Variants in CLYBL observed in about 807,000 individuals in gnomAD.
CLYBL encodes citramalyl-CoA lyase.
In CLYBL, 31 loss-of-function variants were observed where a neutral mutation model predicts 38.9. The observed-to-expected ratio is 0.80, with a 90% CI of 0.60 to 1.08. The LOEUF (loss-of-function observed/expected upper bound fraction) is 1.08, where lower values mean the gene tolerates loss of function less well. Among genes scored for constraint, CLYBL ranks in the 50% least tolerant of loss-of-function variants. The probability of loss-of-function intolerance (pLI) is 0.00; values close to 1 mark genes in which losing one functional copy is unlikely to be tolerated. For synonymous variants in CLYBL, 171 were observed against 158.6 expected, an observed-to-expected ratio of 1.08 and a Z score of -0.59; for missense variants, 434 against 411.6, an observed-to-expected ratio of 1.05 and a Z score of -0.47.
At chr13:99,837,763 C>A (rs1014676953) in intron 2 of CLYBL, among the ~76,000 whole-genome samples, 3 of 152,140 alleles carry the variant, frequency 2.0e-5, no homozygotes, top group East Asian at 3.9e-4. Context: ...AGCTTTTCAA[C>A]CCTGGCCGTC....
At position 99,833,031 on chromosome 13, in the gene CLYBL, T is replaced by TATATATATATATA. The variant is rs57543837; in HGVS notation, c.250-25830_250-25829insATATATATATATA. The stretch of plus-strand genomic sequence containing the variant: ...ACATATATATATATATATATATATA[T>TATATATATATATA]TTTTTTTTTTTTTTTTTTTTTTTTT... On this transcript the variant is annotated intron_variant, in intron 2 of 8. Transcript: ENST00000339105. Among the ~76,000 whole-genome samples the TATATATATATATA allele has an allele frequency of 4.5e-3, 95 of 20,986 alleles. 4 individuals are homozygous for TATATATATATATA. The highest frequency in any genetic ancestry group is 8.2e-3 in the East Asian group (3 of 364). The allele number at this position is 20,986 out of a possible 152,430, so 13.8% of individuals were successfully genotyped here.
At chr13:99,868,228 A>T (rs1443519015) in intron 6 of CLYBL, among the ~76,000 whole-genome samples, 1 of 152,214 alleles carries the variant, frequency 6.6e-6, no homozygotes, top group Non-Finnish European at 1.5e-5. Flanking sequence ...TTGTTGCCCC[A>T]ATTATATTTC....
chr13:99,812,840 A>G (rs1292101439), intron 2 of CLYBL, among the ~76,000 whole-genome samples: 2 of 152,184 alleles, frequency 1.3e-5, no homozygotes, highest in Non-Finnish European at 2.9e-5. Flanking sequence ...AGCCCTGGAG[A>G]CAAGTGGGGC....
chr13:99,779,751 A>C (rs2049600368), intron 2 of CLYBL, among the ~76,000 whole-genome samples: 1 of 152,170 alleles, frequency 6.6e-6, no homozygotes, highest in South Asian at 2.1e-4. Context: ...CAAGGACTTA[A>C]ATTTCCAAGT....
chr13:99,785,406 GTC>G (rs1475789905), intron 2 of CLYBL, among the ~76,000 whole-genome samples: 1 of 150,908 alleles, frequency 6.6e-6, no homozygotes, highest in Non-Finnish European at 1.5e-5. Flanking sequence ...AGAGATGGGG[GTC>G]TCTCTATGTT....
At chr13:99,763,064 G>C (rs1270651745) in intron 1 of CLYBL, among the ~76,000 whole-genome samples, 1 of 152,202 alleles carries the variant, frequency 6.6e-6, no homozygotes, top group Non-Finnish European at 1.5e-5. Context: ...TCTAACAGCT[G>C]TTTGGTGGAA....
chr13:99,729,802 C>T (rs2048547433), intron 1 of CLYBL, among the ~76,000 whole-genome samples: 1 of 152,236 alleles, frequency 6.6e-6, no homozygotes, highest in Non-Finnish European at 1.5e-5. Context: ...TCTCCTGACT[C>T]CCTGGTGCCA....
At chr13:99,685,205 T>C (rs1372275473) in intron 1 of CLYBL, among the ~76,000 whole-genome samples, 3 of 152,196 alleles carry the variant, frequency 2.0e-5, no homozygotes, top group Non-Finnish European at 4.4e-5. Context: ...AGCACAGCAT[T>C]TCTGGTACAT....
chr13:99,694,859 A>C (rs1256992499), intron 1 of CLYBL, among the ~76,000 whole-genome samples: 1 of 152,178 alleles, frequency 6.6e-6, no homozygotes, highest in African/African-American at 2.4e-5. Context: ...GGAAACTTGC[A>C]TATCAGTTGA....
chr13:99,837,790 G>A (rs1009894797), intron 2 of CLYBL, among the ~76,000 whole-genome samples: 1 of 152,072 alleles, frequency 6.6e-6, no homozygotes, highest in African/African-American at 2.4e-5. Context: ...GGTCACAAGG[G>A]GAGCCTTTAG....
intron 6 of CLYBL, 81 bp downstream of exon 6, chr13:99,866,488 A>G (rs920218372): frequency 4.1e-6 from 5 of 1,229,278 alleles, no homozygotes; most frequent in Non-Finnish European, 5.8e-6. Flanking sequence ...AAACACCCCT[A>G]ATCTCATCAG....
chr13:99,887,799 G>A (rs1401836878), intron 7 of CLYBL, among the ~76,000 whole-genome samples: 2 of 152,098 alleles, frequency 1.3e-5, no homozygotes, highest in African/African-American at 4.8e-5. Flanking sequence ...GTTGTTGAGG[G>A]CAGGGGGACA....
chr13:99,871,531 G>A (rs1370377517), intron 7 of CLYBL, among the ~76,000 whole-genome samples: 1 of 152,158 alleles, frequency 6.6e-6, no homozygotes, highest in Non-Finnish European at 1.5e-5. Context: ...AGAGTGGGAG[G>A]TTGTATATGT....
At chr13:99,902,115 CT>C (rs1221380922), downstream of CLYBL, among the ~76,000 whole-genome samples, 1 of 152,166 alleles carries the variant, frequency 6.6e-6, no homozygotes, top group Non-Finnish European at 1.5e-5. Context: ...TACATACAAA[CT>C]CATAAAGTGT....
intron 2 of CLYBL, among the ~76,000 whole-genome samples, chr13:99,853,816 T>C (rs2051390352): frequency 6.6e-6 from 1 of 152,240 alleles, no homozygotes; most frequent in African/African-American, 2.4e-5. Context: ...AGGCCGTCCT[T>C]AAATAGAATA....
intron 4 of CLYBL, 56 bp from the exon 5 acceptor site, chr13:99,864,762 C>G (rs1213944561): frequency 7.3e-6 from 9 of 1,234,190 alleles, no homozygotes; most frequent in Non-Finnish European, 9.5e-6. Flanking sequence ...CACCGTGCCT[C>G]TTCCCTCTGA....
chr13:99,657,980 C>T (rs552745714), intron 1 of CLYBL, among the ~76,000 whole-genome samples: 14 of 152,216 alleles, frequency 9.2e-5, no homozygotes, highest in Non-Finnish European at 1.6e-4. Context: ...CAAGCCCGTG[C>T]CTTCCTCGCC....
At chr13:99,672,800 A>G (rs1408932944) in intron 1 of CLYBL, among the ~76,000 whole-genome samples, 1 of 151,914 alleles carries the variant, frequency 6.6e-6, no homozygotes, top group East Asian at 1.9e-4. Context: ...CAACAATAAC[A>G]TTTTACCTCA....
rs1351178502 is a variant in CLYBL, at chr13:99,849,463, T to C, written c.250-9398T>C. Among the ~76,000 whole-genome samples the C allele has an allele frequency of 6.6e-6, 1 of 152,112 alleles. No individual in the cohort carries two copies. The highest frequency in any genetic ancestry group is 1.9e-4 in the East Asian group (1 of 5,176). The stretch of plus-strand genomic sequence containing the variant: ...AGGAGTTCGAGGCAGCAGTGAGCCA[T>C]GATCCTGCCACTGCACTCCAGCCTG... On this transcript the variant is annotated intron_variant, in intron 2 of 8. Transcript: ENST00000339105. This position sits in a 1 kb window ranked among gnomAD's most constrained non-coding sequence, Gnocchi z 4.9.
Sources: allele counts gnomAD v4.1 joint callset (sites outside exome capture counted in the v4.1 genomes callset), GRCh38; gene constraint gnomAD v4.1.1; non-coding constraint Gnocchi (gnomAD v3.1); transcripts MANE v1.5; gene names NCBI Gene and HGNC (gene_info 2026-07-23, HGNC 2026-07-21).